The following SLC75A1 variants were observed in gnomAD, a reference collection of about 807,000 sequenced individuals.
SLC75A1 encodes major facilitator superfamily domain containing 10.
chr4:2,932,692 T>A, the SLC75A1 span: 8 of 1,608,158 alleles, frequency 5.0e-6, no homozygotes, highest in South Asian at 6.6e-5. Flanking sequence ...CCAATCAGCC[T>A]GGAGGCCAGG....
the SLC75A1 span, chr4:2,934,413 A>AC: frequency 6.9e-6 from 1 of 144,888 alleles, no homozygotes; most frequent in Admixed American, 6.8e-5. Context: ...ACGCAGGAGC[A>AC]CCCCCAACCC....
chr4:2,933,106 C>T, the SLC75A1 span: 1 of 1,613,302 alleles, frequency 6.2e-7, no homozygotes, highest in Non-Finnish European at 8.5e-7. Flanking sequence ...AGGAACATAC[C>T]AGGCACAGCA....
the SLC75A1 span, chr4:2,934,094 A>G: frequency 1.4e-6 from 1 of 709,784 alleles, no homozygotes; most frequent in Non-Finnish European, 2.3e-6. Context: ...GGCCTGCGCG[A>G]TGCCCCCGCC....
chr4:2,930,952 C>T, the SLC75A1 span: 3 of 1,612,932 alleles, frequency 1.9e-6, no homozygotes, highest in Non-Finnish European at 2.5e-6. Flanking sequence ...CCAGCCAGTA[C>T]ACTGCGGAGA....
chr4:2,932,119 G>A, the SLC75A1 span: 26 of 1,609,834 alleles, frequency 1.6e-5, no homozygotes, highest in Non-Finnish European at 2.2e-5. Context: ...GAGCAGATCA[G>A]CCGCATCACG....
chr4:2,932,603 G>A, the SLC75A1 span: 3 of 1,613,194 alleles, frequency 1.9e-6, no homozygotes, highest in African/African-American at 1.3e-5. Context: ...CACTTACCAT[G>A]CCTTGACTGC....
the SLC75A1 span, chr4:2,932,963 G>T: frequency 1.9e-6 from 2 of 1,026,652 alleles, no homozygotes; most frequent in Non-Finnish European, 1.4e-6. Context: ...CTGGTCCCCC[G>T]AGAACCCCCT....
At chr4:2,933,483 G>C in the SLC75A1 span, 1 of 1,449,572 alleles carries the variant, frequency 6.9e-7, no homozygotes, top group Non-Finnish European at 9.7e-7. Context: ...CAAGGACCGA[G>C]AATTGGGGAG....
At chr4:2,934,106 C>G in the SLC75A1 span, 84 of 654,366 alleles carry the variant, frequency 1.3e-4, no homozygotes, top group Non-Finnish European at 2.0e-4. Flanking sequence ...GCCCCCGCCC[C>G]GAACCCAGGC....
the SLC75A1 span, chr4:2,930,583 T>C: frequency 1.8e-6 from 1 of 562,764 alleles, no homozygotes; most frequent in South Asian, 2.2e-5. Flanking sequence ...AAACAGGTGC[T>C]TTATTTCATC....
At chr4:2,933,978 A>C in the SLC75A1 span, 1 of 1,515,730 alleles carries the variant, frequency 6.6e-7, no homozygotes, top group Non-Finnish European at 8.9e-7. Context: ...GTTAGCGGGG[A>C]AGCCGAGTCC....
the SLC75A1 span, chr4:2,933,509 C>A: frequency 6.4e-7 from 1 of 1,554,790 alleles, no homozygotes; most frequent in East Asian, 2.2e-5. Context: ...TGGGCTGGAC[C>A]ACGTCCACCA....
the SLC75A1 span, chr4:2,933,948 G>C: frequency 6.5e-7 from 1 of 1,545,282 alleles, no homozygotes; most frequent in Non-Finnish European, 8.7e-7. Context: ...ACCTGGCCTG[G>C]GTGGGGTGCG....
At chr4:2,930,985 C>T in the SLC75A1 span, 66 of 1,612,528 alleles carry the variant, frequency 4.1e-5, 1 homozygote, top group Non-Finnish European at 5.0e-5. Context: ...ACCCAGTCCC[C>T]GAGGGGGCTG....
the SLC75A1 span, chr4:2,932,654 G>GTTC: frequency 6.2e-7 from 1 of 1,612,552 alleles, no homozygotes; most frequent in Admixed American, 1.7e-5. Flanking sequence ...TGGCCGTGGA[G>GTTC]AGGCTGACGT....
At chr4:2,933,908 C>T in the SLC75A1 span, 27 of 1,567,346 alleles carry the variant, frequency 1.7e-5, no homozygotes, top group Non-Finnish European at 2.3e-5. Flanking sequence ...CAGCCTCCAC[C>T]CCCTCCCCAT....
At chr4:2,932,413 C>G in the SLC75A1 span, 3 of 1,613,610 alleles carry the variant, frequency 1.9e-6, no homozygotes, top group South Asian at 3.3e-5. Context: ...TCGGAGGCTG[C>G]GAAGAGCAGG....
At chr4:2,933,958 G>C in the SLC75A1 span, 1 of 1,538,506 alleles carries the variant, frequency 6.5e-7, no homozygotes, top group African/African-American at 1.4e-5. Context: ...GGTGGGGTGC[G>C]GCGGGTCGGG....
the SLC75A1 span, chr4:2,931,510 G>A: frequency 6.3e-7 from 1 of 1,594,388 alleles, no homozygotes; most frequent in South Asian, 1.1e-5. Flanking sequence ...TGCCCTGCAG[G>A]ACTCAGGGGA....
Sources: gnomAD v4.1 joint callset for allele counts on GRCh38, gnomAD v4.1.1 for gene constraint, MANE v1.5 for transcripts, NCBI Gene and HGNC (gene_info 2026-07-23, HGNC 2026-07-21) for gene names.